The following GLIPR1L2 variants were observed in gnomAD, a reference collection of about 807,000 sequenced individuals.
GLIPR1L2 encodes the protein GLIPR1-like protein 2.
Under a neutral mutation model 28.4 loss-of-function variants are expected in GLIPR1L2, and 21 were observed. The observed-to-expected ratio is 0.74, with a 90% CI of 0.52 to 1.06. The LOEUF (loss-of-function observed/expected upper bound fraction) is 1.06, where lower values mean the gene tolerates loss of function less well. Among genes scored for constraint, GLIPR1L2 ranks in the 50% least tolerant of loss-of-function variants. The pLI is 0.00. For synonymous variants in GLIPR1L2, 145 were observed against 139.3 expected, an observed-to-expected ratio of 1.04 and a Z score of -0.29; for missense variants, 476 against 416.9, an observed-to-expected ratio of 1.14 and a Z score of -1.23.
chr12:75,416,966 T>C (rs11180496), intron 3 of GLIPR1L2, among the ~76,000 whole-genome samples: 48,833 of 151,916 alleles, frequency 0.32, 8,663 homozygotes, highest in East Asian at 0.46. Flanking sequence ...CATTACAATA[T>C]TATAAAATAC....
chr12:75,392,225 G>A (rs965228106), intron 1 of GLIPR1L2, among the ~76,000 whole-genome samples: 3 of 152,102 alleles, frequency 2.0e-5, no homozygotes, highest in African/African-American at 4.8e-5. Context: ...AATAAATTAA[G>A]GGTATGATAT....
In GLIPR1L2 at chr12:75,431,124, A is replaced by G; in HGVS notation, c.998A>G (p.Glu333Gly). Residue 333 changes from glutamate to glycine, a missense_variant, in exon 6 of 6, where the codon GAA (glutamate) becomes GGA (glycine). Transcript: ENST00000550916. ...EKEEREEEEE[E>G]TQKEKMEEEE... Reference sequence around the variant, plus strand: ...GAAGAGAGAGAGGAGGAGGAGGAGGAAACACAAAAAGAAAAGATGGAGGAA... The same window carrying G: ...GAAGAGAGAGAGGAGGAGGAGGAGGGAACACAAAAAGAAAAGATGGAGGAA... The G allele has an allele frequency of 1.1e-6, 1 of 930,320 alleles. No homozygotes were observed. Among genetic ancestry groups the G allele is most frequent in the Non-Finnish European group, 1.7e-6 (1 of 601,276 alleles). 57.6% of individuals were successfully genotyped at this position (930,320 alleles called of 1,614,324 possible).
chr12:75,395,459 A>G (rs1394334063), intron 1 of GLIPR1L2, among the ~76,000 whole-genome samples: 1 of 151,882 alleles, frequency 6.6e-6, no homozygotes, highest in East Asian at 1.9e-4. Flanking sequence ...GCTTCATAGA[A>G]TGAGTTAATA....
intron 3 of GLIPR1L2, among the ~76,000 whole-genome samples, chr12:75,419,480 T>C (rs1008642177): frequency 6.6e-6 from 1 of 152,192 alleles, no homozygotes; most frequent in Non-Finnish European, 1.5e-5. Context: ...ATTATCCATA[T>C]GAATGTTGTG....
rs2045855191 is a variant in GLIPR1L2 at position 75,410,501 on chromosome 12, T to C, written c.302T>C (p.Ile101Thr). The stretch of plus-strand genomic sequence containing the variant: ...AAAAAATGTTTGTTTACGCATAATA[T>C]TTATTTACAAGATGTACAAATGGTC... ...WGKKCLFTHN[I>T]YLQDVQMVHP... The change falls in exon 2 of 6, where the codon ATT (isoleucine) becomes ACT (threonine). Residue 101 changes from isoleucine (I) to threonine (T), a missense_variant. Coordinates refer to ENST00000550916, the MANE Select transcript of GLIPR1L2 (RefSeq NM_001270396.2). The C allele has an allele frequency of 6.2e-7, 1 of 1,611,072 alleles. No individual in the cohort carries two copies. The highest frequency in any genetic ancestry group is 8.5e-7 in the Non-Finnish European group (1 of 1,178,312).
At chr12:75,422,601 C>T (rs992090784) in intron 3 of GLIPR1L2, among the ~76,000 whole-genome samples, 3 of 152,114 alleles carry the variant, frequency 2.0e-5, no homozygotes, top group African/African-American at 7.2e-5. Context: ...CGCGCCCGGT[C>T]TACATCATTC....
chr12:75,429,079 G>C (rs902469299), intron 4 of GLIPR1L2, among the ~76,000 whole-genome samples: 14 of 152,164 alleles, frequency 9.2e-5, no homozygotes, highest in African/African-American at 3.4e-4. Flanking sequence ...CTGCATAATA[G>C]AGCTGTGAGA....
chr12:75,416,983 G>T (rs760976070), intron 3 of GLIPR1L2, among the ~76,000 whole-genome samples: 14 of 152,038 alleles, frequency 9.2e-5, no homozygotes, highest in African/African-American at 3.4e-4. Flanking sequence ...ATACTGGGTA[G>T]AAATGAATGT....
Position 75,430,972 on chromosome 12 carries a change from G to A in GLIPR1L2, c.846G>A (p.Leu282=), listed in dbSNP as rs2046086121. ...LIVQSQFPNI[L]LEQQMIFTPE... ...TACAGTCTCAGTTTCCAAATATCTT[G>A]TTGGAACAACAAATGATATTTACCC... Residue 282 remains leucine (L), a synonymous_variant, in exon 6 of 6, where the codon TTG becomes TTA. Transcript: ENST00000550916. 2 of 1,535,296 alleles carry A rather than the reference G, an allele frequency of 1.3e-6. No homozygotes were observed. The highest frequency in any genetic ancestry group is 1.7e-6 in the Non-Finnish European group (2 of 1,146,520).
At chr12:75,395,109 A>C (rs1273238752) in intron 1 of GLIPR1L2, among the ~76,000 whole-genome samples, 1 of 151,616 alleles carries the variant, frequency 6.6e-6, no homozygotes, top group Non-Finnish European at 1.5e-5. Context: ...CTTTTCTCTA[A>C]TTTTCTGAAT....
chr12:75,391,886 T>G (rs923891018), intron 1 of GLIPR1L2, among the ~76,000 whole-genome samples: 81 of 151,894 alleles, frequency 5.3e-4, no homozygotes, highest in African/African-American at 1.9e-3. Flanking sequence ...GATTTTTTTT[T>G]TTTGTGCCCA....
chr12:75,403,076 A>G (rs1426096520), intron 1 of GLIPR1L2: 1 of 457,032 alleles, frequency 2.2e-6, no homozygotes, highest in East Asian at 7.0e-5. Context: ...CAAACCTCTC[A>G]CCCAGGACTC....
chr12:75,428,498 C>T (rs1594034517), intron 4 of GLIPR1L2, among the ~76,000 whole-genome samples: 2 of 150,078 alleles, frequency 1.3e-5, no homozygotes, highest in South Asian at 4.3e-4. Flanking sequence ...AATTTGCAAC[C>T]TGACCATGTG....
chr12:75,426,266 A>C (rs907936674), intron 4 of GLIPR1L2, among the ~76,000 whole-genome samples: 4 of 152,230 alleles, frequency 2.6e-5, no homozygotes, highest in African/African-American at 9.6e-5. Flanking sequence ...AAGATCAGTT[A>C]TTAAGAAGTT....
At chr12:75,414,767 G>T (rs2045907742) in intron 3 of GLIPR1L2, among the ~76,000 whole-genome samples, 1 of 151,994 alleles carries the variant, frequency 6.6e-6, no homozygotes, top group Admixed American at 6.6e-5. Flanking sequence ...GGAGGAGGGG[G>T]TTGGTAGAGG....
At chr12:75,393,560 C>T (rs2045652945) in intron 1 of GLIPR1L2, among the ~76,000 whole-genome samples, 1 of 152,086 alleles carries the variant, frequency 6.6e-6, no homozygotes, top group African/African-American at 2.4e-5. Flanking sequence ...CATGTTGTAG[C>T]ATGTGTCAGA....
At chr12:75,418,639 T>C (rs544499176) in intron 3 of GLIPR1L2, among the ~76,000 whole-genome samples, 5 of 152,272 alleles carry the variant, frequency 3.3e-5, no homozygotes, top group African/African-American at 1.2e-4. Flanking sequence ...TTCTTTTTGC[T>C]TAGGATTGTC....
chr12:75,423,353 A>T, intron 4 of GLIPR1L2: 1 of 1,042,782 alleles, frequency 9.6e-7, no homozygotes, highest in Non-Finnish European at 1.2e-6. Flanking sequence ...AGTAGCATAT[A>T]TTTAATACCC....
intron 1 of GLIPR1L2, among the ~76,000 whole-genome samples, chr12:75,398,026 A>T (rs962959370): frequency 7.4e-6 from 1 of 134,484 alleles, no homozygotes; most frequent in Admixed American, 7.7e-5. Flanking sequence ...TCAGCTGTGG[A>T]TTTAAAAAAA....
Sources: allele counts gnomAD v4.1 joint callset (sites outside exome capture counted in the v4.1 genomes callset), GRCh38; gene constraint gnomAD v4.1.1; transcripts MANE v1.5; gene names NCBI Gene and HGNC (gene_info 2026-07-23, HGNC 2026-07-21).